The following ASIC2 variants were observed in gnomAD, a reference collection of about 807,000 sequenced individuals.
ASIC2 encodes acid sensing ion channel subunit 2.
In ASIC2, 25 loss-of-function variants were observed where a neutral mutation model predicts 57.3. The ratio of observed to expected loss-of-function variants is 0.44; its 90% CI spans 0.32 to 0.61. The LOEUF is 0.61. Among genes scored for constraint, ASIC2 ranks in the 20% least tolerant of loss-of-function variants. The pLI is 0.06. For synonymous variants in ASIC2, 319 were observed against 307.5 expected (o/e 1.04, Z -0.39); for missense variants, 641 against 738.1 (o/e 0.87, Z 1.52).
At chr17:33,299,691 G>A (rs866479436) in intron 1 of ASIC2, among the ~76,000 whole-genome samples, 13 of 151,980 alleles carry the variant, frequency 8.6e-5, no homozygotes, top group African/African-American at 3.1e-4. Context: ...GCAATTCCCA[G>A]GTATAAGAGG....
At chr17:33,433,446 G>T (rs1387766215) in intron 1 of ASIC2, among the ~76,000 whole-genome samples, 1 of 152,200 alleles carries the variant, frequency 6.6e-6, no homozygotes, top group Non-Finnish European at 1.5e-5. Flanking sequence ...AATAACCAGT[G>T]GGTATTAGGC....
intron 2 of ASIC2, among the ~76,000 whole-genome samples, chr17:33,089,398 G>T (rs575879313): frequency 2.0e-5 from 3 of 152,290 alleles, no homozygotes; most frequent in Admixed American, 2.0e-4. Flanking sequence ...GCAGGGGAAT[G>T]AATTTTCCCC....
intron 1 of ASIC2, among the ~76,000 whole-genome samples, chr17:33,881,939 C>T (rs1268086212): frequency 6.6e-6 from 1 of 152,034 alleles, no homozygotes; most frequent in African/African-American, 2.4e-5. Context: ...AGAACAGAGC[C>T]CTCAGAAATA....
intron 1 of ASIC2, among the ~76,000 whole-genome samples, chr17:33,703,162 G>A (rs73282715): frequency 0.019 from 2,856 of 152,256 alleles, 74 homozygotes; most frequent in African/African-American, 0.066. Context: ...TTGAAGAATG[G>A]AAAGAACCTC....
intron 1 of ASIC2, among the ~76,000 whole-genome samples, chr17:33,888,323 G>T (rs929963314): frequency 6.6e-6 from 1 of 152,152 alleles, no homozygotes; most frequent in Non-Finnish European, 1.5e-5. Context: ...AGCATAGCAA[G>T]TGTGGGGGTG....
At chr17:33,587,796 T>C (rs1375096369) in intron 1 of ASIC2, among the ~76,000 whole-genome samples, 3 of 152,198 alleles carry the variant, frequency 2.0e-5, no homozygotes, top group Non-Finnish European at 4.4e-5. Context: ...GAATTAGAAA[T>C]GGATGGGCAC....
chr17:33,167,609 C>T (rs769299400), intron 1 of ASIC2, among the ~76,000 whole-genome samples: 1 of 152,192 alleles, frequency 6.6e-6, no homozygotes, highest in African/African-American at 2.4e-5. Context: ...ATTTAAAAAT[C>T]TTTAATGGCT....
chr17:33,468,695 C>T (rs1169054077), intron 1 of ASIC2, among the ~76,000 whole-genome samples: 1 of 151,038 alleles, frequency 6.6e-6, no homozygotes, highest in Admixed American at 6.6e-5. Flanking sequence ...CCCCCACACA[C>T]ATACATACTT....
chr17:33,772,623 G>T (rs1359172562), intron 1 of ASIC2, among the ~76,000 whole-genome samples: 1 of 152,184 alleles, frequency 6.6e-6, no homozygotes, highest in Non-Finnish European at 1.5e-5. Context: ...GGTATACAAA[G>T]ATACACTATA....
At position 33,356,861 on chromosome 17, in the gene ASIC2, A is replaced by ACTG. The variant is rs1447953184; in HGVS notation, c.556-244797_556-244795dup. Among the ~76,000 whole-genome samples the ACTG allele has an allele frequency of 2.6e-5, 4 of 152,022 alleles. No homozygotes were observed. The East Asian group carries it at 7.8e-4, about 30-fold the overall frequency. ...TGCTGGGGGTGTGTGTCTGTTGCTC[A>ACTG]CTGCTGCTGCTGCATGAAGACTGTT... On this transcript the variant is annotated intron_variant, in intron 1 of 9. Transcript: ENST00000359872.
chr17:33,434,297 C>A (rs1290669939), intron 1 of ASIC2, among the ~76,000 whole-genome samples: 1 of 151,946 alleles, frequency 6.6e-6, no homozygotes, highest in South Asian at 2.1e-4. Context: ...TAATTCAAGG[C>A]TTTCCTGAAA....
chr17:33,845,293 C>A (rs1477910207), intron 1 of ASIC2, among the ~76,000 whole-genome samples: 1 of 152,136 alleles, frequency 6.6e-6, no homozygotes, highest in East Asian at 1.9e-4. Flanking sequence ...TGGAAACGTA[C>A]CTCCAAATTT....
intron 3 of ASIC2, among the ~76,000 whole-genome samples, chr17:33,068,949 T>C (rs1168381473): frequency 1.3e-5 from 2 of 152,202 alleles, no homozygotes; most frequent in African/African-American, 4.8e-5. Flanking sequence ...AAGACTTTTC[T>C]TCTTTTCCTA....
At chr17:34,069,724 C>T (rs1463790516) in intron 1 of ASIC2, 1 of 152,238 alleles carries the variant, frequency 6.6e-6, no homozygotes, top group East Asian at 1.9e-4. Context: ...TCAAACCTCT[C>T]TTAGCCATTC....
chr17:33,806,030 C>T (rs1295698906), intron 1 of ASIC2, among the ~76,000 whole-genome samples: 1 of 152,356 alleles, frequency 6.6e-6, no homozygotes, highest in Non-Finnish European at 1.5e-5. Context: ...CACAAATGCA[C>T]AGCCCTTCTC....
intron 1 of ASIC2, among the ~76,000 whole-genome samples, chr17:33,261,428 G>C (rs1909276091): frequency 6.6e-6 from 1 of 152,202 alleles, no homozygotes; most frequent in Non-Finnish European, 1.5e-5. Flanking sequence ...CAGGGAAATA[G>C]GGGAAACTGC....
chr17:33,420,513 C>T (rs1911008016), intron 1 of ASIC2, among the ~76,000 whole-genome samples: 1 of 152,166 alleles, frequency 6.6e-6, no homozygotes. Context: ...GTGGTGTCAC[C>T]TTAAGTGTAC....
chr17:34,082,813 G>C (rs1478929304), intron 1 of ASIC2, among the ~76,000 whole-genome samples: 1 of 152,218 alleles, frequency 6.6e-6, no homozygotes, highest in Non-Finnish European at 1.5e-5. Context: ...CCAGGTCACC[G>C]TGATGGTAAA....
At chr17:33,193,702 C>A (rs887074181) in intron 1 of ASIC2, among the ~76,000 whole-genome samples, 2 of 152,152 alleles carry the variant, frequency 1.3e-5, no homozygotes, top group African/African-American at 2.4e-5. Context: ...TGTTATGATG[C>A]AGATTCTAAT....
Sources: allele counts gnomAD v4.1 joint callset (sites outside exome capture counted in the v4.1 genomes callset), GRCh38; gene constraint gnomAD v4.1.1; transcripts MANE v1.5; gene names NCBI Gene and HGNC (gene_info 2026-07-23, HGNC 2026-07-21).